SSTR4: variants seen among roughly 807,000 people sequenced by gnomAD.
The protein encoded by SSTR4 is somatostatin receptor 4.
For synonymous variants in SSTR4, 272 were observed against 246.3 expected (o/e 1.10, Z -0.98); for missense variants, 649 against 540.6 (o/e 1.20, Z -1.99).
chr20:23,036,782 C>G lies in SSTR4; in HGVS notation c.*132C>G. Reference sequence around the variant, plus strand: ...CTGTTCCTTCCAGCAGCCCATGTACCTGCCGGAGAGTGTCAGAACTCTTCT... The same window carrying G: ...CTGTTCCTTCCAGCAGCCCATGTACGTGCCGGAGAGTGTCAGAACTCTTCT... On this transcript the variant is annotated 3_prime_UTR_variant, in exon 1 of 1. Coordinates refer to ENST00000255008, the MANE Select transcript of SSTR4 (RefSeq NM_001052.4). 1 of 1,054,140 alleles carries G rather than the reference C, an allele frequency of 9.5e-7. No individual in the cohort carries two copies. The highest frequency in any genetic ancestry group is 1.7e-5 in the South Asian group (1 of 58,976). The allele number at this position is 1,054,140 out of a possible 1,614,324, so 65.3% of individuals were successfully genotyped here. A position where few individuals can be genotyped will look rare whatever the true frequency, so the allele number is the denominator to read the frequency against.
At position 23,035,414 on chromosome 20, in the gene SSTR4, C is replaced by T; in HGVS notation, c.-70C>T. ...TGCGCGCCAGCCCCCGCCCTGGGCCCGCCGCCCGAGCTCTCTGGCGCAGCG... is the reference window on the plus strand; with the variant it reads ...TGCGCGCCAGCCCCCGCCCTGGGCCTGCCGCCCGAGCTCTCTGGCGCAGCG... On this transcript the variant is annotated 5_prime_UTR_variant, in exon 1 of 1. Transcript: ENST00000255008. 3 of 1,183,846 alleles carry T rather than the reference C, an allele frequency of 2.5e-6. No homozygotes were observed. The highest frequency in any genetic ancestry group is 3.2e-6 in the Non-Finnish European group (3 of 942,338). 73.3% of individuals were successfully genotyped at this position (1,183,846 alleles called of 1,614,324 possible). A position where few individuals can be genotyped will look rare whatever the true frequency, so the allele number is the denominator to read the frequency against.
At position 23,036,083 on chromosome 20, in the gene SSTR4, G is replaced by C. The variant is rs201559093; in HGVS notation, c.600G>C (p.Leu200=). The C allele has an allele frequency of 1.4e-4, 227 of 1,597,480 alleles. 1 individual carries two copies. Among genetic ancestry groups the C allele is most frequent in the Non-Finnish European group, 1.9e-4 (224 of 1,178,042 alleles). ...GCGGCCAGGCCGTGGCCTGCAACCTGCAGTGGCCACACCCGGCCTGGTCGG... is the reference window on the plus strand; with the variant it reads ...GCGGCCAGGCCGTGGCCTGCAACCTCCAGTGGCCACACCCGGCCTGGTCGG... ...ARGGQAVACN[L]QWPHPAWSAV... Residue 200 remains leucine, a synonymous_variant, in exon 1 of 1, where the codon CTG becomes CTC. Coordinates refer to ENST00000255008, the MANE Select transcript of SSTR4 (RefSeq NM_001052.4).
rs1984335726 is a variant in SSTR4, at chr20:23,036,640, C to A, written c.1157C>A (p.Thr386Asn). 1.4e-5 allele frequency: 21 copies of A among 1,545,938 alleles called. No individual in the cohort carries two copies. The highest frequency in any genetic ancestry group is 1.7e-5 in the Non-Finnish European group (19 of 1,147,558). ...AAGCGCATCCCCCTCACCAGGACCA[C>A]CACCTTCTGAGGAGCCCTTCCCCTA... ...GRKRIPLTRT[T>N]TF The change falls in exon 1 of 1, where the codon ACC (threonine) becomes AAC (asparagine). Residue 386 changes from threonine (T) to asparagine (N), a missense_variant. Thr to Asn is a moderately conservative substitution (Grantham distance 65). Transcript: ENST00000255008.
chr20:23,035,868 A>T lies in SSTR4; in HGVS notation c.385A>T (p.Asn129Tyr). The change falls in exon 1 of 1, where the codon AAC (asparagine) becomes TAC (tyrosine). Residue 129 changes from asparagine (N) to tyrosine (Y), a missense_variant. Transcript: ENST00000255008. ...CGCGGTGCTCAGCGTCGACGGCCTC[A>T]ACATGTTCACCAGCGTCTTCTGTCT... ...CRAVLSVDGL[N>Y]MFTSVFCLTV... 6.2e-7 allele frequency: 1 copy of T among 1,611,806 alleles called. No individual in the cohort carries two copies. Among genetic ancestry groups the T allele is most frequent in the Non-Finnish European group, 8.5e-7 (1 of 1,178,922 alleles).
In SSTR4 at chr20:23,035,540, G is replaced by A. The variant is rs756743684; in HGVS notation, c.57G>A (p.Trp19Ter). Residue 19 changes from tryptophan (W) to a stop codon, truncating the protein, a stop_gained, in exon 1 of 1, where the codon TGG becomes TGA. Transcript: ENST00000255008. LOFTEE classifies it low-confidence loss of function (END_TRUNC). ...PGGEEGLGTA[W>*]PSAANASSAP... ...GCGAGGAAGGGCTGGGGACGGCCTGGCCCTCTGCAGCCAATGCCAGTAGCG... is the reference window on the plus strand; with the variant it reads ...GCGAGGAAGGGCTGGGGACGGCCTGACCCTCTGCAGCCAATGCCAGTAGCG... The A allele has an allele frequency of 3.3e-5, 53 of 1,591,978 alleles. No homozygotes were observed. The highest frequency in any genetic ancestry group is 4.3e-5 in the Non-Finnish European group (50 of 1,172,186).
Position 23,035,451 on chromosome 20 carries a change from G to A in SSTR4, c.-33G>A, listed in dbSNP as rs777320967. ...TCTCTGGCGCAGCGCTAGCTCCGCCGCGCTCAGCTGCCCTGCGCCGGCACC... is the reference window on the plus strand; with the variant it reads ...TCTCTGGCGCAGCGCTAGCTCCGCCACGCTCAGCTGCCCTGCGCCGGCACC... On this transcript the variant is annotated 5_prime_UTR_variant, in exon 1 of 1. Coordinates refer to ENST00000255008, the MANE Select transcript of SSTR4 (RefSeq NM_001052.4). The A allele has an allele frequency of 7.2e-7, 1 of 1,380,670 alleles. No homozygotes were observed. The highest frequency in any genetic ancestry group is 1.7e-5 in the South Asian group (1 of 58,400). 85.5% of individuals were successfully genotyped at this position (1,380,670 alleles called of 1,614,324 possible). A position where few individuals can be genotyped will look rare whatever the true frequency, so the allele number is the denominator to read the frequency against.
Position 23,036,603 on chromosome 20 carries a change from G to C in SSTR4, c.1120G>C (p.Glu374Gln), listed in dbSNP as rs35386048. 6.3e-7 allele frequency: 1 copy of C among 1,579,206 alleles called. No individual in the cohort carries two copies. Among genetic ancestry groups the C allele is most frequent in the Non-Finnish European group, 8.6e-7 (1 of 1,163,708 alleles). The change falls in exon 1 of 1, where the codon GAA becomes CAA. Residue 374 changes from glutamate to glutamine, a missense_variant. Physicochemically the swap from Glu to Gln is conservative, Grantham distance 29. Transcript: ENST00000255008. Reference sequence around the variant, plus strand: ...CTGCCAGCAGGAAGCCCTGCAACCAGAACCCGGCCGCAAGCGCATCCCCCT... The same window carrying C: ...CTGCCAGCAGGAAGCCCTGCAACCACAACCCGGCCGCAAGCGCATCCCCCT... Reference protein sequence around the residue: ...LPCQQEALQPEPGRKRIPLTR... With the variant: ...LPCQQEALQPQPGRKRIPLTR...
rs1984384964 is a variant in SSTR4 at position 23,038,399 on chromosome 20, G to A, written c.*1749G>A. 6.6e-6 allele frequency: 1 copy of A among 152,238 alleles called. No homozygotes were observed. Among genetic ancestry groups the A allele is most frequent in the African/African-American group, 2.4e-5 (1 of 41,442 alleles). The allele number at this position is 152,238 out of a possible 1,614,324, so 9.4% of individuals were successfully genotyped here. On this transcript the variant is annotated 3_prime_UTR_variant, in exon 1 of 1. Coordinates refer to ENST00000255008, the MANE Select transcript of SSTR4 (RefSeq NM_001052.4). ...CCTTTCTTTAGTCTCTCAGTGATCAGACTGGGCAAACTCTCTGATAAGCAA... is the reference window on the plus strand; with the variant it reads ...CCTTTCTTTAGTCTCTCAGTGATCAAACTGGGCAAACTCTCTGATAAGCAA...
rs372418861 is a variant in SSTR4, at chr20:23,036,456, G to A, written c.973G>A (p.Val325Ile). The A allele has an allele frequency of 5.6e-6, 9 of 1,613,654 alleles. No individual in the cohort carries two copies. The South Asian group carries it at 9.9e-5, about 18-fold the overall frequency. ...CAACTTCCGCCGATTCTTCCAGCGG[G>A]TTCTCTGCCTGCGCTGCTGCCTCCT... ...SDNFRRFFQR[V>I]LCLRCCLLEG... The change falls in exon 1 of 1, where the codon GTT becomes ATT. Residue 325 changes from valine (V) to isoleucine (I), a missense_variant. By Grantham distance (29) the Val-to-Ile change is conservative (BLOSUM62 3). Transcript: ENST00000255008.
chr20:23,035,626 T>C lies in SSTR4; in HGVS notation c.143T>C (p.Val48Ala). The change falls in exon 1 of 1, where the codon GTC becomes GCC. Residue 48 changes from valine to alanine, a missense_variant. Val to Ala is a moderately conservative substitution (Grantham distance 64, BLOSUM62 0). Transcript: ENST00000255008. ...GPGDARAAGM[V>A]AIQCIYALVC... ...GGGGACGCGCGGGCGGCGGGCATGG[T>C]CGCTATCCAGTGCATCTACGCGCTG... 1 of 1,544,370 alleles carries C rather than the reference T, an allele frequency of 6.5e-7. No individual in the cohort carries two copies. The highest frequency in any genetic ancestry group is 8.7e-7 in the Non-Finnish European group (1 of 1,149,330).
In SSTR4 at chr20:23,036,462, T is replaced by G; in HGVS notation, c.979T>G (p.Cys327Gly). The G allele has an allele frequency of 6.2e-7, 1 of 1,613,756 alleles. No individual in the cohort carries two copies. Among genetic ancestry groups the G allele is most frequent in the Non-Finnish European group, 8.5e-7 (1 of 1,179,800 alleles). ...CCGCCGATTCTTCCAGCGGGTTCTC[T>G]GCCTGCGCTGCTGCCTCCTGGAAGG... The part of the protein sequence containing the change: ...NFRRFFQRVL[C>G]LRCCLLEGAG... Residue 327 changes from cysteine (C) to glycine (G), a missense_variant, in exon 1 of 1, where the codon TGC (cysteine) becomes GGC (glycine). Cys to Gly is a radical substitution (Grantham distance 159). Transcript: ENST00000255008.
In SSTR4 at chr20:23,036,124, A is replaced by T. The variant is rs201502959; in HGVS notation, c.641A>T (p.Tyr214Phe). 6.7e-5 allele frequency: 107 copies of T among 1,604,888 alleles called. No individual in the cohort carries two copies. In the African/African-American group the frequency reaches 1.4e-3, roughly 20 times the overall value. Residue 214 changes from tyrosine (Y) to phenylalanine (F), a missense_variant, in exon 1 of 1, where the codon TAC becomes TTC. Physicochemically the swap from Tyr to Phe is conservative, Grantham distance 22. Coordinates refer to ENST00000255008, the MANE Select transcript of SSTR4 (RefSeq NM_001052.4). ...HPAWSAVFVVYTFLLGFLLPV... is the reference protein window; with the variant it reads ...HPAWSAVFVVFTFLLGFLLPV... ...GCCTGGTCGGCAGTCTTCGTGGTCTACACTTTCCTGCTGGGCTTCCTGCTG... is the reference window on the plus strand; with the variant it reads ...GCCTGGTCGGCAGTCTTCGTGGTCTTCACTTTCCTGCTGGGCTTCCTGCTG...
Position 23,035,843 on chromosome 20 carries a change from C to T in SSTR4, c.360C>T (p.Arg120=), listed in dbSNP as rs369700001. The change falls in exon 1 of 1, where the codon CGC becomes CGT. Residue 120 remains arginine, a synonymous_variant. Transcript: ENST00000255008. ...RHWPFGSVLC[R]AVLSVDGLNM... is the part of the protein sequence containing the mutation. ...GGCCCTTCGGCTCCGTGCTGTGCCG[C>T]GCGGTGCTCAGCGTCGACGGCCTCA... 3 of 1,601,718 alleles carry T rather than the reference C, an allele frequency of 1.9e-6. No individual in the cohort carries two copies. The highest frequency in any genetic ancestry group is 2.6e-6 in the Non-Finnish European group (3 of 1,174,150).
Position 23,035,793 on chromosome 20 carries a change from G to A in SSTR4, c.310G>A (p.Ala104Thr). The stretch of plus-strand genomic sequence containing the variant: ...CTTCATGCTGAGCGTGCCCTTCGTG[G>A]CCTCGTCGGCCGCCCTGCGCCACTG... ...ELFMLSVPFV[A>T]SSAALRHWPF... The change falls in exon 1 of 1, where the codon GCC (alanine) becomes ACC (threonine). Residue 104 changes from alanine to threonine, a missense_variant. Ala to Thr is a moderately conservative substitution (Grantham distance 58). Transcript: ENST00000255008. 6.3e-7 allele frequency: 1 copy of A among 1,592,502 alleles called. No homozygotes were observed. Among genetic ancestry groups the A allele is most frequent in the Admixed American group, 1.7e-5 (1 of 57,614 alleles).
chr20:23,035,340 C>A lies in SSTR4; in HGVS notation c.-144C>A. ...CGCGCGGCGCGGGGATTGGCGGGCG[C>A]TCCCCGGTGCCCGCAGCTCTTCAGC... On this transcript the variant is annotated 5_prime_UTR_variant, in exon 1 of 1. Coordinates refer to ENST00000255008, the MANE Select transcript of SSTR4 (RefSeq NM_001052.4). 1 of 610,426 alleles carries A rather than the reference C, an allele frequency of 1.6e-6. No individual in the cohort carries two copies. Among genetic ancestry groups the A allele is most frequent in the Non-Finnish European group, 2.3e-6 (1 of 432,608 alleles). The allele number at this position is 610,426 out of a possible 1,614,324, so 37.8% of individuals were successfully genotyped here.
Position 23,035,404 on chromosome 20 carries a change from G to T in SSTR4, c.-80G>T, listed in dbSNP as rs939699136. 1.7e-5 allele frequency: 19 copies of T among 1,111,706 alleles called. No homozygotes were observed. In the African/African-American group the frequency reaches 2.9e-4, roughly 17 times the overall value. The allele number at this position is 1,111,706 out of a possible 1,614,324, so 68.9% of individuals were successfully genotyped here. On this transcript the variant is annotated 5_prime_UTR_variant, in exon 1 of 1. Transcript: ENST00000255008. ...GCCGCGCGTCTGCGCGCCAGCCCCC[G>T]CCCTGGGCCCGCCGCCCGAGCTCTC...
rs1374489342 is a variant in SSTR4 at position 23,038,838 on chromosome 20, G to A, written c.*2188G>A. 1 of 152,294 alleles carries A rather than the reference G, an allele frequency of 6.6e-6. No homozygotes were observed. The highest frequency in any genetic ancestry group is 2.1e-4 in the South Asian group (1 of 4,834). The allele number at this position is 152,294 out of a possible 1,614,324, so 9.4% of individuals were successfully genotyped here. A position where few individuals can be genotyped will look rare whatever the true frequency, so the allele number is the denominator to read the frequency against. Reference sequence around the variant, plus strand: ...CGTGAACACTGCCCTTGACCCTGCAGTCATAAGTCATGCAGGTGGTGGCGG... The same window carrying A: ...CGTGAACACTGCCCTTGACCCTGCAATCATAAGTCATGCAGGTGGTGGCGG... On this transcript the variant is annotated 3_prime_UTR_variant, in exon 1 of 1. Transcript: ENST00000255008.
chr20:23,036,190 G>T lies in SSTR4; in HGVS notation c.707G>T (p.Gly236Val), dbSNP rs35601930. 1 of 1,612,056 alleles carries T rather than the reference G, an allele frequency of 6.2e-7. No individual in the cohort carries two copies. Among genetic ancestry groups the T allele is most frequent in the East Asian group, 2.2e-5 (1 of 44,846 alleles). Residue 236 changes from glycine (G) to valine (V), a missense_variant, in exon 1 of 1, where the codon GGC becomes GTC. Physicochemically the swap from Gly to Val is moderately radical, Grantham distance 109 (BLOSUM62 -3). Transcript: ENST00000255008. The part of the protein sequence containing the change: ...AIGLCYLLIV[G>V]KMRAVALRAG... ...GGCCTGTGCTACCTGCTCATCGTGG[G>T]CAAGATGCGCGCCGTGGCCCTGCGC...
rs926526956 is a variant in SSTR4, at chr20:23,035,379, G to A, written c.-105G>A. On this transcript the variant is annotated 5_prime_UTR_variant, in exon 1 of 1. Transcript: ENST00000255008. ...CAGCTCTTCAGCGTAGCCGGGAAGA[G>A]CCGCGCGTCTGCGCGCCAGCCCCCG... The A allele has an allele frequency of 1.1e-6, 1 of 883,298 alleles. No homozygotes were observed. Among genetic ancestry groups the A allele is most frequent in the Non-Finnish European group, 1.5e-6 (1 of 675,832 alleles). The allele number at this position is 883,298 out of a possible 1,614,324, so 54.7% of individuals were successfully genotyped here.
Sources: gnomAD v4.1 joint callset for allele counts on GRCh38, gnomAD v4.1.1 for gene constraint, MANE v1.5 for transcripts, NCBI Gene and HGNC (gene_info 2026-07-23, HGNC 2026-07-21) for gene names.